The following EPB41L2 variants were observed in gnomAD, a reference collection of about 807,000 sequenced individuals.
EPB41L2 encodes band 4.1-like protein 2.
In EPB41L2, 43 loss-of-function variants were observed where a neutral mutation model predicts 113.0. That is an observed-to-expected ratio of 0.38 (90% CI 0.30 to 0.49). The LOEUF (loss-of-function observed/expected upper bound fraction) is 0.49. Ranked by LOEUF, EPB41L2 falls within the 20% of genes least tolerant of loss-of-function variation. The pLI is 0.95. For synonymous variants in EPB41L2, 442 were observed against 436.7 expected (o/e 1.01, Z -0.15); for missense variants, 1,147 against 1,223.4 (o/e 0.94, Z 0.93).
intron 1 of EPB41L2, among the ~76,000 whole-genome samples, chr6:130,985,683 T>G (rs754225200): frequency 6.6e-6 from 1 of 152,138 alleles, no homozygotes; most frequent in East Asian, 1.9e-4. Flanking sequence ...TGGATCAGAA[T>G]TATACACAAA....
intron 1 of EPB41L2, among the ~76,000 whole-genome samples, chr6:130,986,866 TAAAGA>T (rs1328400242): frequency 6.6e-6 from 1 of 152,198 alleles, no homozygotes; most frequent in Non-Finnish European, 1.5e-5. Flanking sequence ...TTGATCTCAT[TAAAGA>T]AAAAAGAAAC....
intron 1 of EPB41L2, among the ~76,000 whole-genome samples, chr6:130,960,400 A>C (rs1365305135): frequency 6.6e-6 from 1 of 152,232 alleles, no homozygotes; most frequent in Non-Finnish European, 1.5e-5. Context: ...TTATTGCTTG[A>C]CCATGTAATC....
chr6:130,923,828 T>C (rs1803707223), intron 4 of EPB41L2, among the ~76,000 whole-genome samples: 1 of 152,242 alleles, frequency 6.6e-6, no homozygotes, highest in Non-Finnish European at 1.5e-5. Context: ...TATTTTTAAT[T>C]GTAGTAAAAA....
intron 8 of EPB41L2, among the ~76,000 whole-genome samples, chr6:130,896,878 G>T (rs572142204): frequency 6.6e-6 from 1 of 152,092 alleles, no homozygotes; most frequent in Non-Finnish European, 1.5e-5. Context: ...CAGTATAAAG[G>T]GAGTTCTTGC....
At chr6:130,958,743 C>T (rs1009796178) in intron 1 of EPB41L2, among the ~76,000 whole-genome samples, 3 of 151,972 alleles carry the variant, frequency 2.0e-5, no homozygotes, top group African/African-American at 4.8e-5. Context: ...ACAGGACAGG[C>T]GGAAGCTGAA....
chr6:130,983,217 CCAA>C (rs1372319833), intron 1 of EPB41L2, among the ~76,000 whole-genome samples: 1 of 152,202 alleles, frequency 6.6e-6, no homozygotes, highest in Non-Finnish European at 1.5e-5. Context: ...TTTCTATCTT[CCAA>C]ACACACATAT....
chr6:131,058,934 T>A (rs1389838058), intron 1 of EPB41L2, among the ~76,000 whole-genome samples: 2 of 152,140 alleles, frequency 1.3e-5, no homozygotes, highest in African/African-American at 4.8e-5. Context: ...GAGAATTACT[T>A]GAACTGGGAA....
chr6:130,875,480 CCT>C (rs532175034), intron 14 of EPB41L2, among the ~76,000 whole-genome samples: 45 of 152,230 alleles, frequency 3.0e-4, no homozygotes, highest in Admixed American at 5.2e-4. Flanking sequence ...TCACCAAGCC[CCT>C]GTCATTTGGT....
Position 130,931,962 on chromosome 6 carries a change from T to A in EPB41L2, c.706-5253A>T, listed in dbSNP as rs77171737. 2.0e-3 allele frequency among the ~76,000 whole-genome samples: 298 copies of A among 152,288 alleles called. 3 individuals are homozygous for A. Among genetic ancestry groups the A allele is most frequent in the African/African-American group, 7.0e-3 (289 of 41,560 alleles). On this transcript the variant is annotated intron_variant, in intron 3 of 19. Coordinates refer to ENST00000337057, the MANE Select transcript of EPB41L2 (RefSeq NM_001431.4). ...CTTCTCTATGCCTCAGTTCCGCTCT[T>A]TAAAAGTACCCACCTTATAATGGTG...
At chr6:130,990,967 C>T (rs951977194) in intron 1 of EPB41L2, among the ~76,000 whole-genome samples, 1 of 151,724 alleles carries the variant, frequency 6.6e-6, no homozygotes, top group Non-Finnish European at 1.5e-5. Context: ...GCTGGGACTA[C>T]AGGCGCATGC....
intron 1 of EPB41L2, among the ~76,000 whole-genome samples, chr6:130,958,114 G>T (rs1425698695): frequency 6.6e-6 from 1 of 152,132 alleles, no homozygotes; most frequent in Non-Finnish European, 1.5e-5. Context: ...GGGAGTGAGG[G>T]CTACAAATAA....
At chr6:131,058,070 T>C (rs2128206923) in intron 1 of EPB41L2, among the ~76,000 whole-genome samples, 1 of 152,370 alleles carries the variant, frequency 6.6e-6, no homozygotes, top group Non-Finnish European at 1.5e-5. Context: ...ACAATCTATG[T>C]ACTTTTTGAC....
chr6:130,956,065 C>G lies in EPB41L2; in HGVS notation c.421G>C (p.Val141Leu), dbSNP rs777267153. 2.9e-5 allele frequency: 46 copies of G among 1,613,974 alleles called. No homozygotes were observed. Among genetic ancestry groups the G allele is most frequent in the Non-Finnish European group, 3.8e-5 (45 of 1,180,032 alleles). The change falls in exon 2 of 20, where the codon GTT (valine) becomes CTT (leucine). Residue 141 changes from valine (V) to leucine (L), a missense_variant. By Grantham distance (32) the Val-to-Leu change is conservative. Transcript: ENST00000337057. ...GAGGGTTTTTCTTCCTTGACTTCAA[C>G]TTTAATCTCTTGTTTCTTCTGAGCC... ...EMAQKKQEIKVEVKEEKPSVS... is the reference protein window; with the variant it reads ...EMAQKKQEIKLEVKEEKPSVS...
chr6:130,950,169 T>C (rs1372795809), intron 3 of EPB41L2, among the ~76,000 whole-genome samples: 1 of 152,106 alleles, frequency 6.6e-6, no homozygotes, highest in Non-Finnish European at 1.5e-5. Context: ...ATTAGAGCTA[T>C]GAAAGCAATG....
intron 1 of EPB41L2, among the ~76,000 whole-genome samples, chr6:131,006,125 C>T (rs545419734): frequency 6.6e-6 from 1 of 152,060 alleles, no homozygotes; most frequent in Admixed American, 6.5e-5. Flanking sequence ...GGCTCGATCT[C>T]GGCTCACTGC....
intron 1 of EPB41L2, among the ~76,000 whole-genome samples, chr6:131,031,466 C>A (rs1027870944): frequency 6.6e-6 from 1 of 152,060 alleles, no homozygotes; most frequent in African/African-American, 2.4e-5. Context: ...AAAGAATACA[C>A]AGTAACCTAT....
chr6:130,854,963 A>C (rs1779771267), intron 19 of EPB41L2, among the ~76,000 whole-genome samples: 1 of 152,154 alleles, frequency 6.6e-6, no homozygotes, highest in African/African-American at 2.4e-5. Flanking sequence ...GCTTGAACCG[A>C]GGAGGCAGAG....
intron 2 of EPB41L2, 79 bp from the exon 3 acceptor site, chr6:130,955,396 A>AT: frequency 1.5e-6 from 2 of 1,342,214 alleles, no homozygotes; most frequent in Non-Finnish European, 2.1e-6. Flanking sequence ...AAAATCTTTC[A>AT]TAAGAATTAG....
intron 1 of EPB41L2, among the ~76,000 whole-genome samples, chr6:130,976,796 A>G (rs946034203): frequency 3.3e-5 from 5 of 152,226 alleles, no homozygotes; most frequent in African/African-American, 1.2e-4. Flanking sequence ...ATTAAACTGT[A>G]TTATTTTCAT....
Sources: gnomAD v4.1 joint callset for allele counts (sites outside exome capture counted in the v4.1 genomes callset) on GRCh38, gnomAD v4.1.1 for gene constraint, MANE v1.5 for transcripts, NCBI Gene and HGNC (gene_info 2026-07-23, HGNC 2026-07-21) for gene names.